Variants in BRIP1 observed in about 807,000 individuals in gnomAD.
BRIP1 encodes the protein Fanconi anemia group J protein.
In BRIP1, 88 loss-of-function variants were observed where a neutral mutation model predicts 119.7. The ratio of observed to expected loss-of-function variants is 0.74; its 90% confidence interval spans 0.62 to 0.88. The LOEUF is 0.88. Among genes scored for constraint, BRIP1 ranks in the 40% least tolerant of loss-of-function variants. The pLI, the probability that BRIP1 is intolerant of heterozygous loss-of-function variation, is 0.00. For synonymous variants in BRIP1, 443 were observed against 496.5 expected, an observed-to-expected ratio of 0.89 and a Z score of 1.43; for missense variants, 1,259 against 1,455.4, an observed-to-expected ratio of 0.87 and a Z score of 2.20.
At chr17:61,786,052 T>G (rs368088878) in intron 10 of BRIP1, among the ~76,000 whole-genome samples, 2 of 152,144 alleles carry the variant, frequency 1.3e-5, no homozygotes, top group African/African-American at 2.4e-5. Flanking sequence ...TGCATTACTA[T>G]CATGGGCTAT....
Position 61,756,107 on chromosome 17 carries a change from T to C in BRIP1, c.2098-11516A>G, listed in dbSNP as rs1013310855. Among the ~76,000 whole-genome samples, 5 of 152,334 alleles carry C rather than the reference T, an allele frequency of 3.3e-5. No individual in the cohort carries two copies. Among genetic ancestry groups the C allele is most frequent in the African/African-American group, 4.8e-5 (2 of 41,590 alleles). On this transcript the variant is annotated intron_variant, in intron 14 of 19. Coordinates refer to ENST00000259008, the MANE Select transcript of BRIP1 (RefSeq NM_032043.3). The surrounding 1 kb of genome is among the most constrained non-coding windows in gnomAD (Gnocchi z 4.3). ...TATAGCAAAAACATACTGGTTATTT[T>C]AGTGAAAATGGCCTACAGCAAATTT... is the stretch of plus-strand genomic sequence containing the variant.
At chr17:61,715,199 A>G (rs2061841691) in intron 17 of BRIP1, among the ~76,000 whole-genome samples, 1 of 150,688 alleles carries the variant, frequency 6.6e-6, no homozygotes, top group South Asian at 2.1e-4. Context: ...GGCTGTCTAA[A>G]ACAATAATAA....
In BRIP1 at chr17:61,853,556, A is replaced by G. The variant is rs756392592; in HGVS notation, c.379+3502T>C. The stretch of plus-strand genomic sequence containing the variant: ...TTTCCCATTTAGACTATTCTAAATA[A>G]CACTGACTCACAGTAATGTCAAAAT... On this transcript the variant is annotated intron_variant, in intron 4 of 19. Transcript: ENST00000259008. The surrounding 1 kb of genome is among the most constrained non-coding windows in gnomAD (Gnocchi z 4.3). Among the ~76,000 whole-genome samples, 4 of 152,256 alleles carry G rather than the reference A, an allele frequency of 2.6e-5. No individual in the cohort carries two copies. The highest frequency in any genetic ancestry group is 5.9e-5 in the Non-Finnish European group (4 of 68,040).
rs904958174 is a variant in BRIP1, at chr17:61,746,289, T to C, written c.2098-1698A>G. 4.0e-5 allele frequency among the ~76,000 whole-genome samples: 6 copies of C among 151,314 alleles called. No individual in the cohort carries two copies. The highest frequency in any genetic ancestry group is 8.8e-5 in the Non-Finnish European group (6 of 67,866). On this transcript the variant is annotated intron_variant, in intron 14 of 19. Transcript: ENST00000259008. This position sits in a 1 kb window ranked among gnomAD's most constrained non-coding sequence, Gnocchi z 4.9. ...CTCCAGAAAGACATCAAGGGAGGAA[T>C]AGAGGAACAAAAAAGCTGTAGTTAG...
Position 61,858,522 on chromosome 17 carries a change from C to T in BRIP1, c.205+1274G>A, listed in dbSNP as rs117270084. On this transcript the variant is annotated intron_variant, in intron 3 of 19. Coordinates refer to ENST00000259008, the MANE Select transcript of BRIP1 (RefSeq NM_032043.3). Reference sequence around the variant, plus strand: ...TCGAGTAGCTGGGATTACAGGCACACGCCACCTCACCAGGCTAATTTTGTA... The same window carrying T: ...TCGAGTAGCTGGGATTACAGGCACATGCCACCTCACCAGGCTAATTTTGTA... Among the ~76,000 whole-genome samples the T allele has an allele frequency of 7.3e-3, 1,116 of 152,116 alleles. 7 individuals carry two copies. The highest frequency in any genetic ancestry group is 0.011 in the Non-Finnish European group (727 of 67,984).
Position 61,693,369 on chromosome 17 carries a change from A to C in BRIP1, c.2575+61T>G. 7.0e-7 allele frequency: 1 copy of C among 1,431,038 alleles called. No individual in the cohort carries two copies. Among genetic ancestry groups the C allele is most frequent in the Non-Finnish European group, 9.9e-7 (1 of 1,013,654 alleles). 88.6% of individuals were successfully genotyped at this position (1,431,038 alleles called of 1,614,324 possible). A position where few individuals can be genotyped will look rare whatever the true frequency, so the allele number is the denominator to read the frequency against. The stretch of plus-strand genomic sequence containing the variant: ...GTAGAGCTCATGTTATGTGTTTTTC[A>C]CCACAATAAAAATATGAAGATTGTT... On this transcript the variant is annotated intron_variant, in intron 18 of 19. Coordinates refer to ENST00000259008, the MANE Select transcript of BRIP1 (RefSeq NM_032043.3). This position sits in a 1 kb window ranked among gnomAD's most constrained non-coding sequence, Gnocchi z 4.2.
chr17:61,793,462 T>A lies in BRIP1; in HGVS notation c.1473+135A>T, dbSNP rs1426700108. On this transcript the variant is annotated intron_variant, in intron 10 of 19. Coordinates refer to ENST00000259008, the MANE Select transcript of BRIP1 (RefSeq NM_032043.3). This position sits in a 1 kb window ranked among gnomAD's most constrained non-coding sequence, Gnocchi z 5.2. ...TCACTTAAAGATTATCAAATTTAGA[T>A]AATAAAATTTTTAAAAAATTAAATT... The A allele has an allele frequency of 4.1e-6, 3 of 733,968 alleles. No individual in the cohort carries two copies. The highest frequency in any genetic ancestry group is 3.6e-5 in the African/African-American group (2 of 56,106). The allele number at this position is 733,968 out of a possible 1,614,324, so 45.5% of individuals were successfully genotyped here.
At position 61,680,480 on chromosome 17, in the gene BRIP1, C is replaced by CTTTTTTTTT. The variant is rs768910110; in HGVS notation, c.*2807_*2815dup. ...AGTTTACCAATTCTAAAGGTAATTTCTTTTTTTTTTTTTTTTTGAGACGGA... is the reference window on the plus strand; with the variant it reads ...AGTTTACCAATTCTAAAGGTAATTTCTTTTTTTTTTTTTTTTTTTTTTTTTTGAGACGGA... On this transcript the variant is annotated 3_prime_UTR_variant, in exon 20 of 20. Coordinates refer to ENST00000259008, the MANE Select transcript of BRIP1 (RefSeq NM_032043.3). Among the ~76,000 whole-genome samples the CTTTTTTTTT allele has an allele frequency of 7.3e-5, 9 of 124,094 alleles. 1 individual carries two copies. Among genetic ancestry groups the CTTTTTTTTT allele is most frequent in the African/African-American group, 1.6e-4 (5 of 31,700 alleles). 81.4% of individuals were successfully genotyped at this position (124,094 alleles called of 152,430 possible).
At chr17:61,837,543 T>C (rs2078593343) in intron 6 of BRIP1, among the ~76,000 whole-genome samples, 1 of 152,052 alleles carries the variant, frequency 6.6e-6, no homozygotes, top group Non-Finnish European at 1.5e-5. Flanking sequence ...ATTTATTTAA[T>C]GAATAAATAA....
At chr17:61,801,507 C>A (rs2145344072) in intron 7 of BRIP1, 33 bp from the exon 8 acceptor site, 1 of 1,480,108 alleles carries the variant, frequency 6.8e-7, no homozygotes, top group Non-Finnish European at 9.4e-7. Context: ...GAAATGTGAA[C>A]CAATATTAGC....
intron 14 of BRIP1, among the ~76,000 whole-genome samples, chr17:61,749,078 A>G (rs952859301): frequency 2.2e-4 from 34 of 151,740 alleles, no homozygotes; most frequent in Non-Finnish European, 1.9e-4. Context: ...CGGAGGTTGC[A>G]GTGAGCCAAG....
At position 61,684,108 on chromosome 17, in the gene BRIP1, C is replaced by G. The variant is rs2061325944; in HGVS notation, c.2938G>C (p.Ala980Pro). 6.2e-7 allele frequency: 1 copy of G among 1,613,448 alleles called. No individual in the cohort carries two copies. The highest frequency in any genetic ancestry group is 8.5e-7 in the Non-Finnish European group (1 of 1,179,750). The change falls in exon 20 of 20, where the codon GCA (alanine) becomes CCA (proline). Residue 980 changes from alanine (A) to proline (P), a missense_variant. By Grantham distance (27) the Ala-to-Pro change is conservative. Coordinates refer to ENST00000259008, the MANE Select transcript of BRIP1 (RefSeq NM_032043.3). The surrounding 1 kb of genome is among the most constrained non-coding windows in gnomAD (Gnocchi z 4.5). ...DPVFLEEAGK[A>P]EKIVISRSTS... ...GATCTGGAAATCACAATTTTTTCTGCTTTCCCTGCTTCTTCCAGGAATACT... is the reference window on the plus strand; with the variant it reads ...GATCTGGAAATCACAATTTTTTCTGGTTTCCCTGCTTCTTCCAGGAATACT...
Position 61,767,167 on chromosome 17 carries a change from A to C in BRIP1, c.2097+9234T>G, listed in dbSNP as rs1222626474. Among the ~76,000 whole-genome samples, 1 of 152,202 alleles carries C rather than the reference A, an allele frequency of 6.6e-6. No homozygotes were observed. Among genetic ancestry groups the C allele is most frequent in the African/African-American group, 2.4e-5 (1 of 41,452 alleles). On this transcript the variant is annotated intron_variant, in intron 14 of 19. Transcript: ENST00000259008. This position sits in a 1 kb window ranked among gnomAD's most constrained non-coding sequence, Gnocchi z 5.7. ...TTAGTTTTTACTCAGTGAAAGAGTAAAGTTTTGAGTAAATCACCCATTCCA... is the reference window on the plus strand; with the variant it reads ...TTAGTTTTTACTCAGTGAAAGAGTACAGTTTTGAGTAAATCACCCATTCCA...
Position 61,690,493 on chromosome 17 carries a change from G to T in BRIP1, c.2575+2937C>A, listed in dbSNP as rs1453578563. Among the ~76,000 whole-genome samples the T allele has an allele frequency of 1.3e-5, 2 of 152,074 alleles. No individual in the cohort carries two copies. The highest frequency in any genetic ancestry group is 4.8e-5 in the African/African-American group (2 of 41,396). On this transcript the variant is annotated intron_variant, in intron 18 of 19. Transcript: ENST00000259008. This position sits in a 1 kb window ranked among gnomAD's most constrained non-coding sequence, Gnocchi z 5.6. ...AATGAATTTGTTAGCTGAAAATATT[G>T]TTATAACTATGTTTCATGTAAGACC...
rs2061605540 is a variant in BRIP1, at chr17:61,700,988, A to G, written c.2493-7476T>C. On this transcript the variant is annotated intron_variant, in intron 17 of 19. Transcript: ENST00000259008. This position sits in a 1 kb window ranked among gnomAD's most constrained non-coding sequence, Gnocchi z 4.1. ...TATACTTTCCAACTCCAGAATTTCC[A>G]TTAGGTTTTTGTTAAGCAAATTTTA... Among the ~76,000 whole-genome samples, 1 of 152,068 alleles carries G rather than the reference A, an allele frequency of 6.6e-6. No individual in the cohort carries two copies.
chr17:61,733,535 TTG>T (rs1481728297), intron 16 of BRIP1, among the ~76,000 whole-genome samples: 1 of 152,184 alleles, frequency 6.6e-6, no homozygotes, highest in Non-Finnish European at 1.5e-5. Flanking sequence ...ATCAATTTTT[TTG>T]TGTGTGTTTG....
chr17:61,697,336 C>CAAAAAAAA (rs55963888), intron 17 of BRIP1, among the ~76,000 whole-genome samples: 11 of 59,140 alleles, frequency 1.9e-4, no homozygotes, highest in Non-Finnish European at 2.9e-4. Flanking sequence ...GACTCTGTCT[C>CAAAAAAAA]AAAAAAAAAA....
rs587781964 is a variant in BRIP1, at chr17:61,686,126, G to A, written c.2615C>T (p.Ser872Leu). The stretch of plus-strand genomic sequence containing the variant: ...GGATTCCAGTGCACTTTCAAAGGTT[G>A]AATGGTGCTGAATCTGCTGCCGTAC... ...KWVRQQIQHH[S>L]TFESALESLA... Residue 872 changes from serine (S) to leucine (L), a missense_variant, in exon 19 of 20, where the codon TCA (serine) becomes TTA (leucine). Coordinates refer to ENST00000259008, the MANE Select transcript of BRIP1 (RefSeq NM_032043.3). This position sits in a 1 kb window ranked among gnomAD's most constrained non-coding sequence, Gnocchi z 5.4. The A allele has an allele frequency of 6.2e-7, 1 of 1,614,050 alleles. No individual in the cohort carries two copies. The highest frequency in any genetic ancestry group is 8.5e-7 in the Non-Finnish European group (1 of 1,179,958).
In BRIP1 at chr17:61,759,810, T is replaced by C. The variant is rs114744072; in HGVS notation, c.2098-15219A>G. Among the ~76,000 whole-genome samples, 824 of 151,184 alleles carry C rather than the reference T, an allele frequency of 5.5e-3. 9 individuals carry two copies. Among genetic ancestry groups the C allele is most frequent in the African/African-American group, 0.018 (750 of 41,188 alleles). ...CTAAAAAAATGCTGACACAGAGACA[T>C]GAAGTGAGTACATAGTATTGGAAAA... On this transcript the variant is annotated intron_variant, in intron 14 of 19. Coordinates refer to ENST00000259008, the MANE Select transcript of BRIP1 (RefSeq NM_032043.3). The surrounding 1 kb of genome is among the most constrained non-coding windows in gnomAD (Gnocchi z 4.9).
Sources: allele counts gnomAD v4.1 joint callset (sites outside exome capture counted in the v4.1 genomes callset), GRCh38; gene constraint gnomAD v4.1.1; non-coding constraint Gnocchi (gnomAD v3.1); transcripts MANE v1.5; gene names NCBI Gene and HGNC (gene_info 2026-07-23, HGNC 2026-07-21).